Variants in CADPS2 observed in about 807,000 individuals in gnomAD.
CADPS2 encodes the protein calcium-dependent secretion activator 2.
A neutral mutation model predicts 172.5 loss-of-function variants in CADPS2; 93 were observed. That is an observed-to-expected ratio of 0.54 (90% CI 0.46 to 0.64). CADPS2 has a LOEUF of 0.64. Ranked by LOEUF, CADPS2 falls within the 30% of genes least tolerant of loss-of-function variation. The pLI, the probability that CADPS2 is intolerant of heterozygous loss-of-function variation, is 0.00. For synonymous variants in CADPS2, 546 were observed against 555.2 expected (o/e 0.98, Z 0.23); for missense variants, 1,420 against 1,565.9 (o/e 0.91, Z 1.57).
chr7:122,742,849 A>T (rs2092557967), intron 1 of CADPS2, among the ~76,000 whole-genome samples: 1 of 152,206 alleles, frequency 6.6e-6, no homozygotes, highest in Non-Finnish European at 1.5e-5. Context: ...ACATAATAAC[A>T]TATTATCCAT....
chr7:122,746,489 C>T (rs2138194722), intron 1 of CADPS2, among the ~76,000 whole-genome samples: 1 of 152,232 alleles, frequency 6.6e-6, no homozygotes, highest in Middle Eastern at 3.4e-3. Flanking sequence ...GTTTCCTGAA[C>T]CCCAATCCAC....
intron 1 of CADPS2, among the ~76,000 whole-genome samples, chr7:122,792,410 C>T (rs1795474973): frequency 6.6e-6 from 1 of 152,142 alleles, no homozygotes; most frequent in Non-Finnish European, 1.5e-5. Context: ...ACTGAAATAA[C>T]AGCCACCTAT....
chr7:122,613,671 G>A (rs1484813718), intron 6 of CADPS2, among the ~76,000 whole-genome samples: 1 of 151,516 alleles, frequency 6.6e-6, no homozygotes. Context: ...TAGCTAAAGG[G>A]TACAGTTTTT....
intron 1 of CADPS2, among the ~76,000 whole-genome samples, chr7:122,801,001 A>AG: frequency 6.7e-6 from 1 of 148,642 alleles, no homozygotes; most frequent in Admixed American, 6.6e-5. Context: ...CAAAAAAAAA[A>AG]AAAAAAAGAA....
At chr7:122,516,992 A>T (rs964394203) in intron 8 of CADPS2, among the ~76,000 whole-genome samples, 1 of 152,112 alleles carries the variant, frequency 6.6e-6, no homozygotes, top group Non-Finnish European at 1.5e-5. Flanking sequence ...CACCACCACA[A>T]TCAACTTATA....
intron 2 of CADPS2, among the ~76,000 whole-genome samples, chr7:122,703,765 G>C (rs565909189): frequency 3.4e-4 from 52 of 152,028 alleles, no homozygotes; most frequent in Non-Finnish European, 6.8e-4. Context: ...AATGAGCTTA[G>C]GCAAAAGAAG....
intron 8 of CADPS2, among the ~76,000 whole-genome samples, chr7:122,534,161 C>T (rs1017371463): frequency 6.6e-6 from 1 of 152,086 alleles, no homozygotes; most frequent in African/African-American, 2.4e-5. Context: ...TTTATTGCAC[C>T]TGAATTCTTT....
At chr7:122,734,752 T>C (rs2092020686) in intron 2 of CADPS2, among the ~76,000 whole-genome samples, 1 of 152,154 alleles carries the variant, frequency 6.6e-6, no homozygotes, top group Non-Finnish European at 1.5e-5. Context: ...GTTTGTTGCA[T>C]ACCAAGTGTG....
At chr7:122,776,798 A>C (rs1297510193) in intron 1 of CADPS2, among the ~76,000 whole-genome samples, 1 of 152,142 alleles carries the variant, frequency 6.6e-6, no homozygotes, top group Admixed American at 6.5e-5. Context: ...ATTTGGAGTA[A>C]AGGTCACTCT....
At chr7:122,654,413 C>T (rs969342295) in intron 3 of CADPS2, among the ~76,000 whole-genome samples, 5 of 152,206 alleles carry the variant, frequency 3.3e-5, no homozygotes, top group African/African-American at 1.2e-4. Flanking sequence ...CAGGCTGACT[C>T]TCTTGTTAGT....
intron 1 of CADPS2, among the ~76,000 whole-genome samples, chr7:122,860,141 C>A (rs1370226038): frequency 8.8e-6 from 1 of 113,772 alleles, no homozygotes; most frequent in Non-Finnish European, 1.7e-5. Flanking sequence ...TACCTCCCAA[C>A]TTCCTCCCAA....
intron 9 of CADPS2, among the ~76,000 whole-genome samples, chr7:122,505,872 T>C (rs907383874): frequency 6.6e-6 from 1 of 152,158 alleles, no homozygotes; most frequent in Admixed American, 6.5e-5. Flanking sequence ...TCCATCCCCT[T>C]TGCAAGGTAA....
In CADPS2 at chr7:122,705,801, AAT is replaced by A. The variant is rs1196372304; in HGVS notation, c.453+31152_453+31153del. ...ATATAATATATATCATATATAATAT[AAT>A]ATATATGATATATAATAATATATAT... On this transcript the variant is annotated intron_variant, in intron 2 of 29. Coordinates refer to ENST00000449022, the MANE Select transcript of CADPS2 (RefSeq NM_017954.11). Among the ~76,000 whole-genome samples the A allele has an allele frequency of 2.2e-3, 45 of 20,470 alleles. 9 individuals are homozygous for A. Among genetic ancestry groups the A allele is most frequent in the African/African-American group, 5.8e-3 (45 of 7,804 alleles). 13.4% of individuals were successfully genotyped at this position (20,470 alleles called of 152,430 possible). A position where few individuals can be genotyped will look rare whatever the true frequency, so the allele number is the denominator to read the frequency against.
chr7:122,578,382 A>C (rs1054366210), intron 7 of CADPS2, among the ~76,000 whole-genome samples: 1 of 152,176 alleles, frequency 6.6e-6, no homozygotes, highest in Admixed American at 6.6e-5. Flanking sequence ...GAAAAGAAAG[A>C]AAGCACGGTG....
At chr7:122,766,018 T>C (rs575159549) in intron 1 of CADPS2, among the ~76,000 whole-genome samples, 83 of 152,188 alleles carry the variant, frequency 5.5e-4, no homozygotes, top group African/African-American at 1.9e-3. Flanking sequence ...ATTCTGGAGG[T>C]TGGGAAATCT....
Position 122,388,742 on chromosome 7 carries a change from G to A in CADPS2, c.3009-4C>T, listed in dbSNP as rs991175938. ...TTCTGATGTTGCTGAGCCATTGCTAGAAGAAAAAGGAAAAATGAACATCAT... is the reference window on the plus strand; with the variant it reads ...TTCTGATGTTGCTGAGCCATTGCTAAAAGAAAAAGGAAAAATGAACATCAT... On this transcript the variant is annotated splice_polypyrimidine_tract_variant and splice_region_variant and intron_variant, in intron 22 of 29. Coordinates refer to ENST00000449022, the MANE Select transcript of CADPS2 (RefSeq NM_017954.11). 8 of 1,590,604 alleles carry A rather than the reference G, an allele frequency of 5.0e-6. No homozygotes were observed. The highest frequency in any genetic ancestry group is 1.1e-5 in the South Asian group (1 of 88,546).
At chr7:122,621,023 A>G (rs2075546556) in intron 5 of CADPS2, among the ~76,000 whole-genome samples, 1 of 151,836 alleles carries the variant, frequency 6.6e-6, no homozygotes, top group African/African-American at 2.4e-5. Flanking sequence ...CCTCCGCCTC[A>G]GCCTCCCAAG....
At chr7:122,353,063 C>T (rs1324043501) in intron 27 of CADPS2, among the ~76,000 whole-genome samples, 2 of 152,074 alleles carry the variant, frequency 1.3e-5, no homozygotes, top group Non-Finnish European at 2.9e-5. Context: ...TCTGAATTCT[C>T]ATAATGAGGG....
chr7:122,702,146 AT>A (rs1564107999), intron 2 of CADPS2: 1 of 1,613,724 alleles, frequency 6.2e-7, no homozygotes, highest in Non-Finnish European at 8.5e-7. Flanking sequence ...AAAGTAGGCA[AT>A]TGTGGCAGCC....
Sources: allele counts gnomAD v4.1 joint callset (sites outside exome capture counted in the v4.1 genomes callset), GRCh38; gene constraint gnomAD v4.1.1; transcripts MANE v1.5; gene names NCBI Gene and HGNC (gene_info 2026-07-23, HGNC 2026-07-21).